Variants in PRPF18 observed in about 807,000 individuals in gnomAD.
PRPF18 encodes the protein pre-mRNA-splicing factor 18.
PRPF18 carries 38 observed loss-of-function variants against 46.5 expected under a neutral mutation model. That is an observed-to-expected ratio of 0.82 (90% CI 0.63 to 1.07). The LOEUF is 1.07. PRPF18 is among the 50% of genes least tolerant of loss of function. The pLI is 0.00. For missense variants in PRPF18, 263 were observed against 410.0 expected (o/e 0.64, Z 3.10); for synonymous variants, 152 against 146.7 (o/e 1.04, Z -0.26).
chr10:13,588,639 C>A (rs1220325755), intron 1 of PRPF18, among the ~76,000 whole-genome samples: 1 of 150,818 alleles, frequency 6.6e-6, no homozygotes, highest in Non-Finnish European at 1.5e-5. Flanking sequence ...TTTTTAAATT[C>A]TATTCCTCCT....
chr10:13,647,318 C>T, the PRPF18 span: 2 of 152,148 alleles, frequency 1.3e-5, no homozygotes, highest in African/African-American at 4.8e-5. Flanking sequence ...TGGCTGCATC[C>T]GGGGAGCACC....
chr10:13,652,021 C>G, the PRPF18 span: 3 of 975,564 alleles, frequency 3.1e-6, no homozygotes, highest in Non-Finnish European at 5.0e-6. Flanking sequence ...GGTCATGTTA[C>G]AGAGAGACAC....
At chr10:13,646,913 T>A in the PRPF18 span, 1 of 780,332 alleles carries the variant, frequency 1.3e-6, no homozygotes, top group African/African-American at 1.9e-5. Flanking sequence ...GTTGAGGCGG[T>A]CAGATTAGGC....
chr10:13,595,017 C>T (rs1158289464), intron 1 of PRPF18, among the ~76,000 whole-genome samples: 4 of 152,176 alleles, frequency 2.6e-5, no homozygotes, highest in African/African-American at 7.2e-5. Context: ...AATTATACTT[C>T]GTCAAGGACA....
chr10:13,620,086 GATT>G (rs919604812), intron 9 of PRPF18, among the ~76,000 whole-genome samples: 1 of 152,088 alleles, frequency 6.6e-6, no homozygotes, highest in African/African-American at 2.4e-5. Flanking sequence ...ATCTGGATGA[GATT>G]AATTTGAATT....
the PRPF18 span, chr10:13,645,557 CATTA>C: frequency 3.9e-5 from 6 of 152,622 alleles, no homozygotes; most frequent in Admixed American, 2.0e-4. Context: ...AGCTCCCACA[CATTA>C]ATTTTTTTCT....
At chr10:13,605,971 A>G (rs1273891473) in intron 4 of PRPF18, among the ~76,000 whole-genome samples, 1 of 152,190 alleles carries the variant, frequency 6.6e-6, no homozygotes, top group African/African-American at 2.4e-5. Context: ...TTATAAAGAA[A>G]TAGAACATTT....
At chr10:13,590,449 A>AT (rs2079942471) in intron 1 of PRPF18, among the ~76,000 whole-genome samples, 1 of 139,942 alleles carries the variant, frequency 7.1e-6, no homozygotes, top group Admixed American at 7.3e-5. Context: ...TACAAAAAAA[A>AT]AAAATATATA....
chr10:13,617,920 T>C (rs1003038710), intron 9 of PRPF18, among the ~76,000 whole-genome samples: 3 of 152,192 alleles, frequency 2.0e-5, no homozygotes, highest in Non-Finnish European at 4.4e-5. Context: ...AGCTAGGTGT[T>C]TGAGGCAGAC....
chr10:13,643,920 A>G, the PRPF18 span: 1 of 152,636 alleles, frequency 6.6e-6, no homozygotes. Flanking sequence ...CAGTTTCAGG[A>G]GCAACCTAAT....
the PRPF18 span, among the ~76,000 whole-genome samples, chr10:13,635,885 G>T: frequency 6.6e-6 from 1 of 152,114 alleles, no homozygotes; most frequent in African/African-American, 2.4e-5. Context: ...CATTGTTAGT[G>T]TGAAATTTAG....
intron 1 of PRPF18, among the ~76,000 whole-genome samples, chr10:13,593,493 G>A (rs544113519): frequency 6.6e-6 from 1 of 152,204 alleles, no homozygotes; most frequent in East Asian, 1.9e-4. Flanking sequence ...AGAATTGGGG[G>A]TAAGGAAGTG....
intron 1 of PRPF18, 127 bp downstream of exon 1, chr10:13,587,279 C>T (rs1465736433): frequency 2.0e-6 from 2 of 1,006,628 alleles, no homozygotes; most frequent in Non-Finnish European, 3.1e-6. Context: ...TGTCCTGCCA[C>T]TACCCCTGGT....
At chr10:13,646,106 C>T in the PRPF18 span, 9 of 152,564 alleles carry the variant, frequency 5.9e-5, no homozygotes, top group African/African-American at 1.7e-4. Context: ...GAGTCAGCAA[C>T]GCCAGCCAAG....
At chr10:13,597,370 C>A (rs1365777917) in intron 1 of PRPF18, 88 bp from the exon 2 acceptor site, 2 of 896,088 alleles carry the variant, frequency 2.2e-6, no homozygotes, top group East Asian at 2.7e-5. Flanking sequence ...AAGAGTGTTT[C>A]CAAAGTTTTC....
Position 13,600,342 on chromosome 10 carries a change from G to T in PRPF18, c.243G>T (p.Arg81Ser). The change falls in exon 3 of 10, where the codon AGG becomes AGT. Residue 81 changes from arginine (R) to serine (S), a missense_variant. Physicochemically the swap from Arg to Ser is moderately radical, Grantham distance 110. Transcript: ENST00000378572. The stretch of plus-strand genomic sequence containing the variant: ...AAAAATTACCTATGACGCTTTCTAG[G>T]CAAGAGGTAAGTTTATTTGTGATGG... The part of the protein sequence containing the change: ...AEEKLPMTLS[R>S]QEVIRRLRER... 1 of 1,605,642 alleles carries T rather than the reference G, an allele frequency of 6.2e-7. No individual in the cohort carries two copies. The highest frequency in any genetic ancestry group is 8.5e-7 in the Non-Finnish European group (1 of 1,173,772).
At chr10:13,607,775 T>A (rs1231322044) in intron 4 of PRPF18, among the ~76,000 whole-genome samples, 1 of 152,238 alleles carries the variant, frequency 6.6e-6, no homozygotes, top group Non-Finnish European at 1.5e-5. Flanking sequence ...TCTTTGCCTA[T>A]CCCAAGATTT....
intron 9 of PRPF18, among the ~76,000 whole-genome samples, chr10:13,625,552 T>C (rs1039419659): frequency 6.6e-6 from 1 of 151,854 alleles, no homozygotes; most frequent in African/African-American, 2.4e-5. Flanking sequence ...AAAGGGAAGA[T>C]AGGAAATAAA....
chr10:13,642,259 G>T, the PRPF18 span: 10 of 152,242 alleles, frequency 6.6e-5, no homozygotes, highest in African/African-American at 2.2e-4. Context: ...AAATGTGGTT[G>T]TGTGCCTGTT....
Sources: gnomAD v4.1 joint callset for allele counts (sites outside exome capture counted in the v4.1 genomes callset) on GRCh38, gnomAD v4.1.1 for gene constraint, MANE v1.5 for transcripts, NCBI Gene and HGNC (gene_info 2026-07-23, HGNC 2026-07-21) for gene names.